The following CCDC102B variants were observed in gnomAD, a reference collection of about 807,000 sequenced individuals.
CCDC102B encodes coiled-coil domain containing 102B.
CCDC102B carries 75 observed loss-of-function variants against 57.4 expected under a neutral mutation model. The ratio of observed to expected loss-of-function variants is 1.31; its 90% confidence interval spans 1.08 to 1.58. The LOEUF (loss-of-function observed/expected upper bound fraction) is 1.58. CCDC102B is among the 40% of genes most tolerant of loss of function. The probability of loss-of-function intolerance (pLI) is 0.00; values close to 1 mark genes in which losing one functional copy is unlikely to be tolerated. For synonymous variants in CCDC102B, 206 were observed against 201.9 expected, an observed-to-expected ratio of 1.02 and a Z score of -0.17; for missense variants, 636 against 582.6, an observed-to-expected ratio of 1.09 and a Z score of -0.94.
intron 5 of CCDC102B, among the ~76,000 whole-genome samples, chr18:68,878,111 T>C (rs979357778): frequency 8.5e-5 from 13 of 152,322 alleles, no homozygotes; most frequent in Admixed American, 2.6e-4. Context: ...TGTTTGTTTG[T>C]TTGGAGATAG....
intron 5 of CCDC102B, among the ~76,000 whole-genome samples, chr18:68,878,291 G>A (rs183692657): frequency 3.1e-3 from 467 of 152,060 alleles, no homozygotes; most frequent in Admixed American, 6.9e-3. Flanking sequence ...AGAGACCGGG[G>A]TCTCACCATG....
chr18:68,881,686 C>T (rs1255269902), intron 5 of CCDC102B, among the ~76,000 whole-genome samples: 2 of 152,108 alleles, frequency 1.3e-5, no homozygotes, highest in African/African-American at 4.8e-5. Flanking sequence ...TGGATTTGGA[C>T]TGAAACATCA....
intron 1 of CCDC102B, among the ~76,000 whole-genome samples, chr18:68,828,289 A>T (rs2036988890): frequency 7.3e-6 from 1 of 136,136 alleles, no homozygotes; most frequent in South Asian, 2.5e-4. Context: ...TTCAAGTGTC[A>T]TGTAACATTC....
intron 1 of CCDC102B, among the ~76,000 whole-genome samples, chr18:68,802,656 C>T (rs1303401129): frequency 6.6e-6 from 1 of 152,138 alleles, no homozygotes; most frequent in African/African-American, 2.4e-5. Context: ...TCACATGGTC[C>T]ATTCATTGTC....
intron 5 of CCDC102B, among the ~76,000 whole-genome samples, chr18:68,875,373 A>T (rs1022948749): frequency 6.6e-6 from 1 of 152,176 alleles, no homozygotes; most frequent in African/African-American, 2.4e-5. Flanking sequence ...AGGAGAAGGG[A>T]TTGAATTATT....
chr18:68,844,213 G>T (rs2037757532), intron 3 of CCDC102B, among the ~76,000 whole-genome samples: 1 of 151,702 alleles, frequency 6.6e-6, no homozygotes, highest in South Asian at 2.1e-4. Context: ...ATTCATTAAA[G>T]TATAATATCA....
At chr18:68,759,851 GT>G (rs745368317) in intron 2 of CCDC102B, among the ~76,000 whole-genome samples, 2 of 152,032 alleles carry the variant, frequency 1.3e-5, no homozygotes, top group Non-Finnish European at 2.9e-5. Context: ...ACTTCTGAGA[GT>G]TCTGCAGGAA....
chr18:68,956,360 A>ATTAATATATATTAT (rs1568351914), intron 6 of CCDC102B, among the ~76,000 whole-genome samples: 1 of 74,942 alleles, frequency 1.3e-5, no homozygotes, highest in Non-Finnish European at 2.4e-5. Flanking sequence ...TAATATATAT[A>ATTAATATATATTAT]ATATATATAT....
chr18:68,877,120 C>G (rs368119514), intron 5 of CCDC102B, among the ~76,000 whole-genome samples: 137 of 152,224 alleles, frequency 9.0e-4, no homozygotes, highest in African/African-American at 3.2e-3. Flanking sequence ...GTAGCTAGGT[C>G]TTCTGAAAAG....
At chr18:69,022,330 G>A (rs182642639) in intron 7 of CCDC102B, among the ~76,000 whole-genome samples, 82 of 141,122 alleles carry the variant, frequency 5.8e-4, no homozygotes, top group Admixed American at 5.0e-3. Flanking sequence ...ATATATATGT[G>A]TGTATGTGTA....
intron 6 of CCDC102B, among the ~76,000 whole-genome samples, chr18:69,006,392 GATTTATTTATTT>G (rs71931343): frequency 0.021 from 2,997 of 141,884 alleles, 62 homozygotes; most frequent in African/African-American, 0.058. Context: ...ATAGCTTTGA[GATTTATTTATTT>G]ATTTATTTAT....
At chr18:69,023,829 A>G (rs995808787) in intron 7 of CCDC102B, among the ~76,000 whole-genome samples, 1 of 152,102 alleles carries the variant, frequency 6.6e-6, no homozygotes, top group Non-Finnish European at 1.5e-5. Flanking sequence ...ATTTAAAGTT[A>G]AAGCATTTTA....
chr18:68,743,352 G>A (rs780365103), intron 2 of CCDC102B, among the ~76,000 whole-genome samples: 17 of 152,180 alleles, frequency 1.1e-4, no homozygotes, highest in Non-Finnish European at 1.9e-4. Context: ...AGCCTGCAGT[G>A]AGCCAAGATC....
At chr18:68,741,667 TCACACACACACACACA>T (rs60407642) in intron 2 of CCDC102B, among the ~76,000 whole-genome samples, 17 of 140,370 alleles carry the variant, frequency 1.2e-4, no homozygotes, top group East Asian at 4.2e-4. Context: ...TGAAGACTGG[TCACACACACACACACA>T]CACACACACA....
At chr18:68,730,803 G>A (rs2032825195) in intron 2 of CCDC102B, among the ~76,000 whole-genome samples, 2 of 152,114 alleles carry the variant, frequency 1.3e-5, no homozygotes, top group African/African-American at 4.8e-5. Flanking sequence ...TCTACATGAT[G>A]TATTTAATAC....
intron 2 of CCDC102B, among the ~76,000 whole-genome samples, chr18:68,765,092 G>A (rs1039308659): frequency 1.5e-5 from 2 of 133,364 alleles, no homozygotes; most frequent in Non-Finnish European, 3.1e-5. Context: ...GGATGGTGGT[G>A]CATGTCTGTC....
At chr18:69,018,111 A>C (rs113942628) in intron 7 of CCDC102B, among the ~76,000 whole-genome samples, 6 of 152,122 alleles carry the variant, frequency 3.9e-5, no homozygotes, top group African/African-American at 1.4e-4. Flanking sequence ...CCATTTATCC[A>C]ACAATGGACA....
intron 7 of CCDC102B, among the ~76,000 whole-genome samples, chr18:69,016,114 C>A (rs2051660462): frequency 6.6e-6 from 1 of 151,622 alleles, no homozygotes; most frequent in African/African-American, 2.4e-5. Context: ...CCGCCCGCCT[C>A]AGCCTTCCAA....
intron 6 of CCDC102B, among the ~76,000 whole-genome samples, chr18:68,901,369 A>G (rs2040445728): frequency 6.6e-6 from 1 of 152,122 alleles, no homozygotes; most frequent in Non-Finnish European, 1.5e-5. Flanking sequence ...CATAGAGAAT[A>G]TTTCATGGGT....
Sources: allele counts gnomAD v4.1 joint callset (sites outside exome capture counted in the v4.1 genomes callset), GRCh38; gene constraint gnomAD v4.1.1; transcripts MANE v1.5; gene names NCBI Gene and HGNC (gene_info 2026-07-23, HGNC 2026-07-21).